TAFA5: variants seen among roughly 807,000 people sequenced by gnomAD.
TAFA5 encodes the protein TAFA chemokine like family member 5.
Under a neutral mutation model 15.3 loss-of-function variants are expected in TAFA5, and 6 were observed. That is an observed-to-expected ratio of 0.39 (90% CI 0.21 to 0.77). The LOEUF is 0.77. TAFA5 is among the 30% of genes least tolerant of loss of function. TAFA5 has a pLI of 0.41. For missense variants in TAFA5, 161 were observed against 193.1 expected (o/e 0.83, Z 0.98); for synonymous variants, 103 against 80.7 (o/e 1.28, Z -1.48).
intron 1 of TAFA5, among the ~76,000 whole-genome samples, chr22:48,499,381 G>T (rs1251995011): frequency 3.3e-5 from 5 of 152,150 alleles, no homozygotes; most frequent in African/African-American, 1.2e-4. Flanking sequence ...GGAGATTTCT[G>T]TGGTGTCTAC....
At chr22:48,710,247 C>T (rs983327128) in intron 3 of TAFA5, among the ~76,000 whole-genome samples, 1 of 152,176 alleles carries the variant, frequency 6.6e-6, no homozygotes, top group Non-Finnish European at 1.5e-5. Context: ...GTATGCAGGG[C>T]GCACACTGGT....
At chr22:48,682,430 G>A (rs1409854133) in intron 2 of TAFA5, among the ~76,000 whole-genome samples, 1 of 152,222 alleles carries the variant, frequency 6.6e-6, no homozygotes, top group African/African-American at 2.4e-5. Context: ...GAAGTTGCTA[G>A]TGATGTTGAT....
intron 2 of TAFA5, among the ~76,000 whole-genome samples, chr22:48,696,672 G>C (rs1928722315): frequency 1.3e-5 from 2 of 152,234 alleles, no homozygotes; most frequent in Admixed American, 1.3e-4. Context: ...GCTGGGGTCT[G>C]ACACCCCTTC....
At chr22:48,605,393 A>T (rs993915054) in intron 1 of TAFA5, among the ~76,000 whole-genome samples, 1 of 142,100 alleles carries the variant, frequency 7.0e-6, no homozygotes, top group Non-Finnish European at 1.6e-5. Context: ...CATGGTGGTA[A>T]TGGTAATGAT....
chr22:48,546,131 A>G (rs1014811695), intron 1 of TAFA5, among the ~76,000 whole-genome samples: 5 of 152,150 alleles, frequency 3.3e-5, no homozygotes, highest in African/African-American at 1.2e-4. Context: ...GGGCTCGCTG[A>G]GTCGGGAGGA....
rs143065565 is a variant in TAFA5 at position 48,610,700 on chromosome 22, G to T, written c.113-35897G>T. The stretch of plus-strand genomic sequence containing the variant: ...GTGTGATTTCTGGGGCTGAGGCTGG[G>T]GCTTGGTCCCGTGCTGTGTGTGTTG... On this transcript the variant is annotated intron_variant, in intron 1 of 3. Transcript: ENST00000402357. Among the ~76,000 whole-genome samples the T allele has an allele frequency of 3.6e-3, 554 of 152,308 alleles. 1 individual carries two copies. The highest frequency in any genetic ancestry group is 5.8e-3 in the Non-Finnish European group (397 of 68,022).
intron 2 of TAFA5, chr22:48,693,213 C>A: frequency 2.9e-6 from 4 of 1,382,044 alleles, no homozygotes; most frequent in Non-Finnish European, 3.9e-6. Context: ...GGGCCTCACT[C>A]GTCCTCAGAG....
intron 1 of TAFA5, among the ~76,000 whole-genome samples, chr22:48,575,583 C>T (rs907617139): frequency 6.8e-6 from 1 of 146,164 alleles, no homozygotes; most frequent in Non-Finnish European, 1.5e-5. Flanking sequence ...CCGGCCCCAC[C>T]TGTAGGCGCG....
intron 1 of TAFA5, among the ~76,000 whole-genome samples, chr22:48,519,868 G>A (rs935188265): frequency 3.3e-5 from 5 of 152,242 alleles, no homozygotes; most frequent in Admixed American, 2.0e-4. Flanking sequence ...TAATGGCAGG[G>A]CCACTGTGCA....
chr22:48,522,647 G>A (rs1201892053), intron 1 of TAFA5, among the ~76,000 whole-genome samples: 3 of 152,216 alleles, frequency 2.0e-5, no homozygotes, highest in African/African-American at 7.2e-5. Flanking sequence ...GCCCCTGGGA[G>A]GAAGGCCATT....
At chr22:48,583,821 T>C (rs1924205536) in intron 1 of TAFA5, among the ~76,000 whole-genome samples, 1 of 139,426 alleles carries the variant, frequency 7.2e-6, no homozygotes, top group Non-Finnish European at 1.5e-5. Flanking sequence ...ACATACAAAA[T>C]ACACTACATA....
At chr22:48,582,897 T>C (rs1217140715) in intron 1 of TAFA5, among the ~76,000 whole-genome samples, 2 of 79,330 alleles carry the variant, frequency 2.5e-5, no homozygotes, top group African/African-American at 6.1e-5. Flanking sequence ...GCACACAAAG[T>C]ACACCACACA....
chr22:48,529,183 GATGAGGGTGTCCAGGCAGGAA>G (rs1921877953), intron 1 of TAFA5, among the ~76,000 whole-genome samples: 3 of 151,180 alleles, frequency 2.0e-5, no homozygotes, highest in Non-Finnish European at 4.4e-5. Flanking sequence ...CCAGGCAGGA[GATGAGGGTGTCCAGGCAGGAA>G]ATGAGGATGT....
intron 1 of TAFA5, among the ~76,000 whole-genome samples, chr22:48,623,455 G>A (rs1014828247): frequency 5.1e-4 from 77 of 152,254 alleles, no homozygotes; most frequent in African/African-American, 1.8e-3. Context: ...GGCCCTGCGC[G>A]GTGACCTGTG....
rs144161162 is a variant in TAFA5 at position 48,599,575 on chromosome 22, A to G, written c.113-47022A>G. Among the ~76,000 whole-genome samples the G allele has an allele frequency of 3.3e-4, 50 of 152,354 alleles. No homozygotes were observed. In the East Asian group the frequency reaches 8.1e-3, roughly 25 times the overall value. On this transcript the variant is annotated intron_variant, in intron 1 of 3. Transcript: ENST00000402357. ...GCATCCCTCACAAGCCAGGGAGTGG[A>G]CAGGGCCTGATGTGGCAGCCCTGGA...
At chr22:48,602,327 G>T (rs1222808249) in intron 1 of TAFA5, among the ~76,000 whole-genome samples, 1 of 152,202 alleles carries the variant, frequency 6.6e-6, no homozygotes, top group Non-Finnish European at 1.5e-5. Context: ...GCAGGTCCTG[G>T]ACATGGGGGC....
rs1446366173 is a variant in TAFA5 at position 48,751,055 on chromosome 22, G to A, written c.*1208G>A. The A allele has an allele frequency of 2.0e-5, 3 of 152,334 alleles. No individual in the cohort carries two copies. Among genetic ancestry groups the A allele is most frequent in the Admixed American group, 2.0e-4 (3 of 15,294 alleles). 9.4% of individuals were successfully genotyped at this position (152,334 alleles called of 1,614,324 possible). On this transcript the variant is annotated 3_prime_UTR_variant, in exon 4 of 4. Transcript: ENST00000402357. ...GGACCGTGGCGTCGGCGTCCCGGAT[G>A]TGTCGGTCGTGCCCGGGGAGGCCGG...
intron 3 of TAFA5, among the ~76,000 whole-genome samples, chr22:48,708,536 T>C (rs1929153912): frequency 6.6e-6 from 1 of 152,172 alleles, no homozygotes. Context: ...CGGTTTCCCC[T>C]GCAGAGGGGC....
chr22:48,532,534 G>A (rs144256732), intron 1 of TAFA5, among the ~76,000 whole-genome samples: 4 of 152,318 alleles, frequency 2.6e-5, no homozygotes, highest in Non-Finnish European at 4.4e-5. Flanking sequence ...CAACGATTAC[G>A]CACTGTCGCT....
Sources: gnomAD v4.1 joint callset for allele counts (sites outside exome capture counted in the v4.1 genomes callset) on GRCh38, gnomAD v4.1.1 for gene constraint, MANE v1.5 for transcripts, NCBI Gene and HGNC (gene_info 2026-07-23, HGNC 2026-07-21) for gene names.